ASAP1: variants seen among roughly 807,000 people sequenced by gnomAD.
The protein encoded by ASAP1 is ArfGAP with SH3 domain, ankyrin repeat and PH domain 1.
In ASAP1, 43 loss-of-function variants were observed where a neutral mutation model predicts 145.2. The ratio of observed to expected loss-of-function variants is 0.30; its 90% confidence interval spans 0.23 to 0.38. The LOEUF (loss-of-function observed/expected upper bound fraction) is 0.38, where lower values mean the gene tolerates loss of function less well. Ranked by LOEUF, ASAP1 falls within the 10% of genes least tolerant of loss-of-function variation. The pLI is 1.00. For missense variants in ASAP1, 1,018 were observed against 1,355.3 expected, an observed-to-expected ratio of 0.75 and a Z score of 3.91; for synonymous variants, 546 against 515.5, an observed-to-expected ratio of 1.06 and a Z score of -0.80.
intron 3 of ASAP1, among the ~76,000 whole-genome samples, chr8:130,351,506 TAAAG>T (rs1565235686): frequency 1.3e-5 from 2 of 152,186 alleles, no homozygotes; most frequent in East Asian, 3.8e-4. Context: ...GGGTAATTTA[TAAAG>T]AAAGGAAATT....
rs767574175 is a variant in ASAP1 at position 130,401,924 on chromosome 8, C to T, written c.20G>A (p.Arg7Lys). MRSSASRLSSFSSRDSL... is the reference protein window; with the variant it reads MRSSASKLSSFSSRDSL... Reference sequence around the variant, plus strand: ...ATCTCTCGACGAAAAACTGGAGAGCCTGGAGGCTGAAGATCTCATGTCTCA... The same window carrying T: ...ATCTCTCGACGAAAAACTGGAGAGCTTGGAGGCTGAAGATCTCATGTCTCA... The change falls in exon 2 of 30, where the codon AGG becomes AAG. Residue 7 changes from arginine (R) to lysine (K), a missense_variant. This residue lies in a region of ASAP1 where 106 missense variants were observed against 134.5 expected (regional missense o/e 0.79). Transcript: ENST00000518721. The T allele has an allele frequency of 1.6e-5, 26 of 1,613,498 alleles. No individual in the cohort carries two copies. The highest frequency in any genetic ancestry group is 2.1e-5 in the Non-Finnish European group (25 of 1,179,924).
At chr8:130,254,603 TA>T in intron 3 of ASAP1, among the ~76,000 whole-genome samples, 1 of 152,244 alleles carries the variant, frequency 6.6e-6, no homozygotes, top group South Asian at 2.1e-4. Context: ...TTAAACAAAA[TA>T]AAAATAATAA....
chr8:130,115,885 C>T (rs2097555020), intron 22 of ASAP1, 150 bp from the exon 23 acceptor site: 1 of 615,972 alleles, frequency 1.6e-6, no homozygotes, highest in Admixed American at 3.1e-5. Context: ...AGACAAGCTG[C>T]ACTGCTATGT....
chr8:130,306,436 G>A (rs1822997120), intron 3 of ASAP1, among the ~76,000 whole-genome samples: 1 of 152,012 alleles, frequency 6.6e-6, no homozygotes, highest in African/African-American at 2.4e-5. Context: ...TTTGATAAAT[G>A]TTTTTTTAAA....
chr8:130,159,010 C>T (rs976299284), intron 12 of ASAP1, among the ~76,000 whole-genome samples: 1 of 151,976 alleles, frequency 6.6e-6, no homozygotes, highest in East Asian at 1.9e-4. Flanking sequence ...GGATTACAGG[C>T]GTGAGCCACC....
Position 130,112,122 on chromosome 8 carries a change from G to A in ASAP1, c.2373C>T (p.Pro791=). The A allele has an allele frequency of 1.2e-6, 2 of 1,614,126 alleles. No homozygotes were observed. Among genetic ancestry groups the A allele is most frequent in the Non-Finnish European group, 1.7e-6 (2 of 1,180,002 alleles). Residue 791 remains proline (P), a synonymous_variant, in exon 24 of 30, where the codon CCC becomes CCT. Coordinates refer to ENST00000518721, the MANE Select transcript of ASAP1 (RefSeq NM_018482.4). ...DSPTSPTTEA[P]PLPPRNAGKG... ...TCCCGGCGTTCCTAGGAGGCAGAGG[G>A]GGAGCCTCCGTGGTTGGTGATGTGG...
At chr8:130,261,053 A>G (rs1819866742) in intron 3 of ASAP1, among the ~76,000 whole-genome samples, 1 of 152,098 alleles carries the variant, frequency 6.6e-6, no homozygotes, top group African/African-American at 2.4e-5. Context: ...GTCTGTGGGG[A>G]GAGGTCAATT....
At chr8:130,351,768 C>T (rs577880266) in intron 3 of ASAP1, among the ~76,000 whole-genome samples, 77 of 152,328 alleles carry the variant, frequency 5.1e-4, no homozygotes, top group Non-Finnish European at 1.0e-3. Flanking sequence ...TCCGCCCCCA[C>T]GATCCAATCA....
intron 5 of ASAP1, among the ~76,000 whole-genome samples, chr8:130,203,307 C>T (rs1815988401): frequency 6.6e-6 from 1 of 152,194 alleles, no homozygotes; most frequent in African/African-American, 2.4e-5. Flanking sequence ...ACAGTATGGC[C>T]ACTGTGTACG....
At chr8:130,255,174 CT>C (rs977937504) in intron 3 of ASAP1, among the ~76,000 whole-genome samples, 19 of 152,108 alleles carry the variant, frequency 1.2e-4, no homozygotes, top group African/African-American at 4.6e-4. Context: ...TATTTCACCC[CT>C]AAGTCTGTTT....
At chr8:130,143,812 G>A (rs994452801) in intron 13 of ASAP1, among the ~76,000 whole-genome samples, 2 of 152,212 alleles carry the variant, frequency 1.3e-5, no homozygotes, top group Non-Finnish European at 2.9e-5. Context: ...GTTTTTGCTG[G>A]AAGTGTAAAG....
At chr8:130,362,880 T>C (rs1173242121) in intron 2 of ASAP1, among the ~76,000 whole-genome samples, 3 of 152,244 alleles carry the variant, frequency 2.0e-5, no homozygotes, top group Non-Finnish European at 2.9e-5. Flanking sequence ...CCTATTTTCA[T>C]GCAACATAGT....
intron 9 of ASAP1, among the ~76,000 whole-genome samples, chr8:130,175,661 T>C (rs1190078949): frequency 6.6e-6 from 1 of 152,250 alleles, no homozygotes; most frequent in African/African-American, 2.4e-5. Context: ...GTTTTTAATT[T>C]TGAAGTCCAA....
chr8:130,230,328 G>C (rs1049428271), intron 4 of ASAP1, among the ~76,000 whole-genome samples: 1 of 152,080 alleles, frequency 6.6e-6, no homozygotes, highest in African/African-American at 2.4e-5. Flanking sequence ...TCAAGTAAAA[G>C]AATATGTGAG....
chr8:130,070,259 C>G (rs887631258), intron 27 of ASAP1, among the ~76,000 whole-genome samples: 4 of 152,070 alleles, frequency 2.6e-5, no homozygotes, highest in Admixed American at 6.5e-5. Flanking sequence ...GGATGGTCTC[C>G]ATCTCCTGAC....
intron 1 of ASAP1, among the ~76,000 whole-genome samples, chr8:130,403,554 C>CTTTTTTTTTTTTTTTT (rs372481861): frequency 2.4e-5 from 3 of 125,398 alleles, no homozygotes; most frequent in African/African-American, 9.3e-5. Context: ...TTTTCTTTTT[C>CTTTTTTTTTTTTTTTT]TTTTTTTTTT....
chr8:130,120,321 C>T (rs1181529870), intron 18 of ASAP1, among the ~76,000 whole-genome samples: 2 of 152,228 alleles, frequency 1.3e-5, no homozygotes, highest in East Asian at 3.8e-4. Context: ...ATGGATGGAG[C>T]AGCAGACTTA....
chr8:130,418,103 T>C (rs982270966), intron 1 of ASAP1, among the ~76,000 whole-genome samples: 11 of 152,194 alleles, frequency 7.2e-5, no homozygotes, highest in African/African-American at 1.7e-4. Flanking sequence ...GGAAAGGAGA[T>C]GGTGTAAACC....
intron 9 of ASAP1, among the ~76,000 whole-genome samples, chr8:130,176,471 T>A (rs1813959781): frequency 6.6e-6 from 1 of 152,164 alleles, no homozygotes; most frequent in East Asian, 1.9e-4. Flanking sequence ...ATGGTTCTAC[T>A]ACTTGATGTC....
Sources: allele counts gnomAD v4.1 joint callset (sites outside exome capture counted in the v4.1 genomes callset), GRCh38; gene constraint gnomAD v4.1.1; regional missense constraint gnomAD v4.1.1; transcripts MANE v1.5; gene names NCBI Gene and HGNC (gene_info 2026-07-23, HGNC 2026-07-21).